SUMF1: variants seen among roughly 807,000 people sequenced by gnomAD.
SUMF1 encodes formylglycine-generating enzyme.
In SUMF1, 48 loss-of-function variants were observed where a neutral mutation model predicts 47.6. The ratio of observed to expected loss-of-function variants is 1.01; its 90% confidence interval spans 0.80 to 1.28. The LOEUF is 1.28. Ranked by LOEUF, SUMF1 falls within the 50% of genes most tolerant of loss-of-function variation. The pLI is 0.00. For missense variants in SUMF1, 571 were observed against 485.4 expected, an observed-to-expected ratio of 1.18 and a Z score of -1.66; for synonymous variants, 230 against 192.1, an observed-to-expected ratio of 1.20 and a Z score of -1.63.
chr3:4,212,791 C>G (rs567483730), intron 8 of SUMF1, among the ~76,000 whole-genome samples: 4 of 152,006 alleles, frequency 2.6e-5, no homozygotes, highest in Non-Finnish European at 5.9e-5. Flanking sequence ...CCGAATTGAT[C>G]AAGTGGAAGA....
In SUMF1 at chr3:4,143,514, G is replaced by A. The variant is rs543482890; in HGVS notation, c.1015-74769C>T. 7.2e-5 allele frequency among the ~76,000 whole-genome samples: 11 copies of A among 152,128 alleles called. No individual in the cohort carries two copies. The South Asian group carries it at 1.7e-3, about 23-fold the overall frequency. Reference sequence around the variant, plus strand: ...TCACTCTTGATATTCCAATGGGCCCGAATGAAAGTCATCATTTATTTTGAC... The same window carrying A: ...TCACTCTTGATATTCCAATGGGCCCAAATGAAAGTCATCATTTATTTTGAC... On this transcript the variant is annotated intron_variant and NMD_transcript_variant, in intron 8 of 12. Coordinates refer to the SUMF1 transcript ENST00000448413.
chr3:4,118,290 A>T (rs948414663), intron 8 of SUMF1, among the ~76,000 whole-genome samples: 1 of 152,088 alleles, frequency 6.6e-6, no homozygotes, highest in Admixed American at 6.5e-5. Flanking sequence ...CAGAGAACAA[A>T]AAAGAGTCAT....
intron 8 of SUMF1, among the ~76,000 whole-genome samples, chr3:4,326,301 CT>C (rs1357435311): frequency 6.6e-6 from 1 of 152,056 alleles, no homozygotes; most frequent in African/African-American, 2.4e-5. Flanking sequence ...TTTGCTGGAA[CT>C]TTTTCATAAG....
At chr3:4,352,041 A>C (rs900937849) in intron 8 of SUMF1, among the ~76,000 whole-genome samples, 4 of 152,114 alleles carry the variant, frequency 2.6e-5, no homozygotes, top group African/African-American at 9.7e-5. Flanking sequence ...CTTAACCACT[A>C]ATCCATTCCA....
At chr3:4,245,378 C>T (rs1043954029) in intron 8 of SUMF1, among the ~76,000 whole-genome samples, 6 of 152,200 alleles carry the variant, frequency 3.9e-5, no homozygotes, top group Non-Finnish European at 5.9e-5. Context: ...GCAGTTTTAT[C>T]TACCTTTGGT....
chr3:4,431,801 G>A (rs944408384), intron 3 of SUMF1, among the ~76,000 whole-genome samples: 8 of 152,152 alleles, frequency 5.3e-5, no homozygotes, highest in African/African-American at 1.9e-4. Context: ...AAGTGATTGA[G>A]AAAAGTCCTA....
At chr3:4,240,054 A>T (rs1489810017) in intron 8 of SUMF1, among the ~76,000 whole-genome samples, 1 of 152,128 alleles carries the variant, frequency 6.6e-6, no homozygotes, top group Admixed American at 6.5e-5. Context: ...AGTTCTGTTT[A>T]TGTGATGGAT....
At chr3:4,331,874 G>C (rs1301162268) in intron 8 of SUMF1, among the ~76,000 whole-genome samples, 1 of 152,138 alleles carries the variant, frequency 6.6e-6, no homozygotes, top group Non-Finnish European at 1.5e-5. Context: ...TAAGTTTATA[G>C]ACAAGTTAGG....
In SUMF1 at chr3:4,467,228, T is replaced by C. The variant is rs146730930; in HGVS notation, c.18A>G (p.Leu6=). 1.2e-6 allele frequency: 2 copies of C among 1,610,598 alleles called. No individual in the cohort carries two copies. The highest frequency in any genetic ancestry group is 1.7e-6 in the Non-Finnish European group (2 of 1,178,876). The change falls in exon 1 of 9, where the codon CTA becomes CTG. Residue 6 remains leucine (L), a synonymous_variant. Transcript: ENST00000272902. ...CAGGGCAACGTCCACACACCAGCCC[T>C]AGTGCGGGCGCAGCCATGTTGTCCC... is the stretch of plus-strand genomic sequence containing the variant. MAAPA[L]GLVCGRCPEL...
intron 3 of SUMF1, among the ~76,000 whole-genome samples, chr3:4,437,469 A>G (rs1702438917): frequency 6.6e-6 from 1 of 152,190 alleles, no homozygotes; most frequent in African/African-American, 2.4e-5. Flanking sequence ...AGAGACAAAA[A>G]CAGAATAAGC....
chr3:4,392,901 CAG>C lies in SUMF1; in HGVS notation c.955-16514_955-16513del, dbSNP rs141758346. 3.9e-3 allele frequency among the ~76,000 whole-genome samples: 597 copies of C among 151,876 alleles called. 5 individuals are homozygous for C. Among genetic ancestry groups the C allele is most frequent in the African/African-American group, 0.014 (564 of 41,370 alleles). ...TTGAACAGCTGACCAATAATTTAGA[CAG>C]AGGCTATCTCAGATACTTTGAACCC... On this transcript the variant is annotated intron_variant, in intron 7 of 8. Transcript: ENST00000272902.
intron 8 of SUMF1, among the ~76,000 whole-genome samples, chr3:4,109,159 G>T (rs1459001910): frequency 2.0e-5 from 3 of 151,942 alleles, no homozygotes; most frequent in East Asian, 1.9e-4. Flanking sequence ...GTCTGTAAAG[G>T]ATTTTATTTC....
At chr3:4,180,683 A>ACACACACACACACACACACAC (rs1553606607) in intron 8 of SUMF1, among the ~76,000 whole-genome samples, 1 of 139,642 alleles carries the variant, frequency 7.2e-6, no homozygotes, top group Admixed American at 7.2e-5. Context: ...CCTAGAACTT[A>ACACACACACACACACACACAC]ACACACACAC....
At chr3:4,313,187 A>C (rs747474497) in intron 8 of SUMF1, 3 of 1,614,062 alleles carry the variant, frequency 1.9e-6, no homozygotes, top group Non-Finnish European at 2.5e-6. Context: ...ACGCATAAAA[A>C]AGGCTGGGGA....
chr3:4,253,144 G>A (rs1243001122), intron 8 of SUMF1, among the ~76,000 whole-genome samples: 2 of 152,200 alleles, frequency 1.3e-5, no homozygotes, highest in Non-Finnish European at 2.9e-5. Flanking sequence ...TATGACACAA[G>A]CTCAGTTTGG....
At chr3:4,330,999 T>C (rs376366277) in intron 8 of SUMF1, among the ~76,000 whole-genome samples, 55 of 152,302 alleles carry the variant, frequency 3.6e-4, no homozygotes, top group African/African-American at 1.3e-3. Context: ...GTGCTTTTGA[T>C]ATTAATATTT....
chr3:4,382,160 G>A (rs78302591), intron 7 of SUMF1, among the ~76,000 whole-genome samples: 6 of 152,240 alleles, frequency 3.9e-5, no homozygotes, highest in East Asian at 3.9e-4. Context: ...TCCTCGTAAC[G>A]GATGGTTCAG....
intron 8 of SUMF1, among the ~76,000 whole-genome samples, chr3:4,177,559 T>C (rs577999479): frequency 2.0e-5 from 3 of 152,278 alleles, no homozygotes; most frequent in African/African-American, 4.8e-5. Context: ...GGGAAATTTA[T>C]AGCACTAAAT....
At chr3:4,272,142 T>G (rs1697317766) in intron 8 of SUMF1, among the ~76,000 whole-genome samples, 1 of 152,232 alleles carries the variant, frequency 6.6e-6, no homozygotes, top group South Asian at 2.1e-4. Flanking sequence ...GGAAATCTAC[T>G]TAATAAGGCA....
Sources: gnomAD v4.1 joint callset for allele counts (sites outside exome capture counted in the v4.1 genomes callset) on GRCh38, gnomAD v4.1.1 for gene constraint, MANE v1.5 for transcripts, NCBI Gene and HGNC (gene_info 2026-07-23, HGNC 2026-07-21) for gene names.